The following RFX3 variants were observed in gnomAD, a reference collection of about 807,000 sequenced individuals.
RFX3 encodes the protein regulatory factor X3, also known as transcription factor RFX3.
In RFX3, 14 loss-of-function variants were observed where a neutral mutation model predicts 98.6. The ratio of observed to expected loss-of-function variants is 0.14; its 90% CI spans 0.09 to 0.22. The LOEUF is 0.22. Ranked by LOEUF, RFX3 falls within the 10% of genes least tolerant of loss-of-function variation. The pLI is 1.00. For synonymous variants in RFX3, 383 were observed against 328.4 expected (o/e 1.17, Z -1.80); for missense variants, 639 against 926.9 (o/e 0.69, Z 4.03).
chr9:3,366,693 C>CCTTTCTTTCTTTT (rs1837142736), intron 2 of RFX3, among the ~76,000 whole-genome samples: 1 of 85,452 alleles, frequency 1.2e-5, no homozygotes, highest in South Asian at 5.0e-4. Flanking sequence ...TTCTTTCTTT[C>CCTTTCTTTCTTTT]CTTTCTTTCT....
chr9:3,483,542 A>G (rs940845071), intron 1 of RFX3, among the ~76,000 whole-genome samples: 1 of 152,218 alleles, frequency 6.6e-6, no homozygotes, highest in Non-Finnish European at 1.5e-5. Flanking sequence ...TCTACCTAAG[A>G]CAGGCCATAG....
chr9:3,418,434 C>G (rs1843162239), intron 1 of RFX3, among the ~76,000 whole-genome samples: 1 of 151,890 alleles, frequency 6.6e-6, no homozygotes, highest in Non-Finnish European at 1.5e-5. Flanking sequence ...GGCTGGAGTA[C>G]AGTGGCACCA....
At chr9:3,288,747 G>A (rs967009271) in intron 6 of RFX3, among the ~76,000 whole-genome samples, 3 of 152,080 alleles carry the variant, frequency 2.0e-5, no homozygotes, top group African/African-American at 7.2e-5. Flanking sequence ...CTTCAGTGAT[G>A]ATGAAGTAAG....
At chr9:3,317,611 A>G (rs1830776312) in intron 4 of RFX3, among the ~76,000 whole-genome samples, 1 of 152,360 alleles carries the variant, frequency 6.6e-6, no homozygotes, top group South Asian at 2.1e-4. Flanking sequence ...AATTTTTACA[A>G]TCTACCCATC....
intron 4 of RFX3, among the ~76,000 whole-genome samples, chr9:3,314,344 G>A (rs1162283775): frequency 1.3e-5 from 2 of 152,258 alleles, no homozygotes; most frequent in Admixed American, 1.3e-4. Context: ...TCACCACCAG[G>A]CCTGCCTTAC....
At chr9:3,520,051 A>T (rs1188551024) in intron 1 of RFX3, among the ~76,000 whole-genome samples, 2 of 152,324 alleles carry the variant, frequency 1.3e-5, no homozygotes, top group African/African-American at 4.8e-5. Flanking sequence ...TTGAGGCTGC[A>T]GTGAGCTATG....
At chr9:3,493,520 T>C (rs1264845682) in intron 1 of RFX3, among the ~76,000 whole-genome samples, 2 of 151,512 alleles carry the variant, frequency 1.3e-5, no homozygotes, top group African/African-American at 2.4e-5. Flanking sequence ...CCATCTCTAC[T>C]AAAAATACAA....
intron 13 of RFX3, 78 bp from the exon 14 acceptor site, chr9:3,257,277 G>GC: frequency 8.7e-7 from 1 of 1,144,184 alleles, no homozygotes; most frequent in East Asian, 2.4e-5. Flanking sequence ...CACACTAGAT[G>GC]CAAGAACAGA....
At chr9:3,383,126 C>A (rs910911955) in intron 2 of RFX3, among the ~76,000 whole-genome samples, 1 of 151,984 alleles carries the variant, frequency 6.6e-6, no homozygotes, top group Non-Finnish European at 1.5e-5. Context: ...TACCCAGATG[C>A]TAATATTTTA....
In RFX3 at chr9:3,401,754, AT is replaced by A. The variant is rs574144564; in HGVS notation, c.-8-6159del. Among the ~76,000 whole-genome samples the A allele has an allele frequency of 5.0e-3, 765 of 152,296 alleles. 9 individuals carry two copies. Among genetic ancestry groups the A allele is most frequent in the Admixed American group, 7.5e-3 (115 of 15,288 alleles). ...ACAAAGGACCTTTTTATTCTGGCTA[AT>A]TAAGCAGTTGGACACACCCGCCTGT... On this transcript the variant is annotated intron_variant, in intron 1 of 16. Transcript: ENST00000617270.
intron 9 of RFX3, among the ~76,000 whole-genome samples, chr9:3,273,171 C>A (rs367768141): frequency 6.6e-6 from 1 of 152,042 alleles, no homozygotes; most frequent in African/African-American, 2.4e-5. Context: ...CAAATGACTA[C>A]GGGACTAAAT....
intron 1 of RFX3, among the ~76,000 whole-genome samples, chr9:3,422,006 A>AC (rs911479974): frequency 1.2e-4 from 19 of 152,090 alleles, no homozygotes; most frequent in African/African-American, 4.6e-4. Flanking sequence ...TCTTCTAAAA[A>AC]AAAAAAAAAT....
chr9:3,261,693 T>C (rs929458100), intron 13 of RFX3, among the ~76,000 whole-genome samples: 1 of 152,170 alleles, frequency 6.6e-6, no homozygotes, highest in Non-Finnish European at 1.5e-5. Context: ...ATACGGTAAC[T>C]ATATGTTTAT....
intron 15 of RFX3, among the ~76,000 whole-genome samples, chr9:3,234,980 A>C (rs1252301491): frequency 1.3e-5 from 2 of 152,210 alleles, no homozygotes; most frequent in African/African-American, 4.8e-5. Flanking sequence ...GACAGAAATG[A>C]GTGAGAAAAA....
In RFX3 at chr9:3,291,108, T is replaced by C. The variant is rs1040989860; in HGVS notation, c.731+1969A>G. Among the ~76,000 whole-genome samples, 6 of 152,260 alleles carry C rather than the reference T, an allele frequency of 3.9e-5. No homozygotes were observed. In the Middle Eastern group the frequency reaches 0.01, roughly 259 times the overall value. ...GGCTGGGTGCGGTGGCTCACGCCTA[T>C]AACACCAGCACTCTGGGAGGCTGAG... On this transcript the variant is annotated intron_variant, in intron 6 of 16. Coordinates refer to ENST00000617270, the MANE Select transcript of RFX3 (RefSeq NM_001282116.2).
intron 1 of RFX3, among the ~76,000 whole-genome samples, chr9:3,428,909 G>A (rs563283741): frequency 6.6e-6 from 1 of 151,924 alleles, no homozygotes; most frequent in Non-Finnish European, 1.5e-5. Context: ...GAGATAGACA[G>A]GGCTAAATTA....
chr9:3,484,757 C>T (rs1850100118), intron 1 of RFX3, among the ~76,000 whole-genome samples: 1 of 152,056 alleles, frequency 6.6e-6, no homozygotes, highest in African/African-American at 2.4e-5. Context: ...TTTTTGTTGC[C>T]TACCACAGAA....
intron 3 of RFX3, among the ~76,000 whole-genome samples, chr9:3,334,518 G>C (rs1005617709): frequency 3.3e-5 from 5 of 152,058 alleles, no homozygotes; most frequent in African/African-American, 1.2e-4. Flanking sequence ...TATCTATATA[G>C]CCCTCAAAGT....
intron 4 of RFX3, among the ~76,000 whole-genome samples, chr9:3,317,773 C>T (rs1394076573): frequency 6.6e-6 from 1 of 152,212 alleles, no homozygotes; most frequent in Admixed American, 6.5e-5. Context: ...TGAAAAAATG[C>T]TCATCATCAC....
Sources: allele counts gnomAD v4.1 joint callset (sites outside exome capture counted in the v4.1 genomes callset), GRCh38; gene constraint gnomAD v4.1.1; transcripts MANE v1.5; gene names NCBI Gene and HGNC (gene_info 2026-07-23, HGNC 2026-07-21).